The following CADPS2 variants were observed in gnomAD, a reference collection of about 807,000 sequenced individuals.
CADPS2 encodes the protein calcium dependent secretion activator 2, also known as calcium-dependent secretion activator 2.
Under a neutral mutation model 172.5 loss-of-function variants are expected in CADPS2, and 93 were observed. The ratio of observed to expected loss-of-function variants is 0.54; its 90% CI spans 0.46 to 0.64. The LOEUF (loss-of-function observed/expected upper bound fraction) is 0.64. CADPS2 is among the 30% of genes least tolerant of loss of function. CADPS2 has a pLI of 0.00. For synonymous variants in CADPS2, 546 were observed against 555.2 expected, an observed-to-expected ratio of 0.98 and a Z score of 0.23; for missense variants, 1,420 against 1,565.9, an observed-to-expected ratio of 0.91 and a Z score of 1.57.
chr7:122,479,782 AAATTT>A lies in CADPS2; in HGVS notation c.1861+1065_1861+1069del, dbSNP rs144815638. On this transcript the variant is annotated intron_variant, in intron 12 of 29. Transcript: ENST00000449022. ...ACAAATGCTTTCCCTATGAAGTGTG[AAATTT>A]AATATATTAGATCAATCATGAAAAT... Among the ~76,000 whole-genome samples, 593 of 152,348 alleles carry A rather than the reference AAATTT, an allele frequency of 3.9e-3. 5 individuals carry two copies. Among genetic ancestry groups the A allele is most frequent in the African/African-American group, 0.014 (563 of 41,582 alleles).
At chr7:122,550,989 A>G (rs1245453447) in intron 8 of CADPS2, among the ~76,000 whole-genome samples, 2 of 152,116 alleles carry the variant, frequency 1.3e-5, no homozygotes, top group Non-Finnish European at 2.9e-5. Context: ...AATCATAGTT[A>G]TGCTTATTTG....
intron 20 of CADPS2, among the ~76,000 whole-genome samples, chr7:122,401,693 G>A (rs144386637): frequency 1.3e-5 from 2 of 152,158 alleles, no homozygotes; most frequent in South Asian, 4.1e-4. Flanking sequence ...CATTTAAACT[G>A]ATTGCCCATT....
chr7:122,639,743 T>C (rs572980551), intron 3 of CADPS2, among the ~76,000 whole-genome samples: 29 of 152,314 alleles, frequency 1.9e-4, no homozygotes, highest in Non-Finnish European at 3.4e-4. Context: ...CTAAGCCAAA[T>C]ATGATTTTCT....
chr7:122,354,506 T>C (rs1269665228), intron 27 of CADPS2: 1 of 152,192 alleles, frequency 6.6e-6, no homozygotes, highest in African/African-American at 2.4e-5. Context: ...ACATGATCTT[T>C]TATACAACTT....
At chr7:122,428,616 C>A (rs1011627525) in intron 17 of CADPS2, among the ~76,000 whole-genome samples, 1 of 151,858 alleles carries the variant, frequency 6.6e-6, no homozygotes, top group African/African-American at 2.4e-5. Flanking sequence ...TACAGCCATG[C>A]ACCACTATGC....
chr7:122,886,400 G>A lies in CADPS2; in HGVS notation c.-63C>T. The stretch of plus-strand genomic sequence containing the variant: ...CAAGCGCCTCACCCCCGGCGGCTGC[G>A]CCCGCGGGTCTGAGGGAGCCGCGGG... On this transcript the variant is annotated 5_prime_UTR_variant, in exon 1 of 30. Coordinates refer to ENST00000449022, the MANE Select transcript of CADPS2 (RefSeq NM_017954.11). The A allele has an allele frequency of 1.4e-6, 2 of 1,455,388 alleles. No individual in the cohort carries two copies. Among genetic ancestry groups the A allele is most frequent in the Non-Finnish European group, 9.0e-7 (1 of 1,115,434 alleles). 90.2% of individuals were successfully genotyped at this position (1,455,388 alleles called of 1,614,324 possible).
At chr7:122,757,794 G>A (rs374315887) in intron 1 of CADPS2, among the ~76,000 whole-genome samples, 9 of 151,778 alleles carry the variant, frequency 5.9e-5, no homozygotes, top group Non-Finnish European at 1.3e-4. Context: ...TTATTCACAC[G>A]ATACTGCTTG....
chr7:122,550,191 T>C (rs538297464), intron 8 of CADPS2, among the ~76,000 whole-genome samples: 1 of 152,308 alleles, frequency 6.6e-6, no homozygotes, highest in South Asian at 2.1e-4. Flanking sequence ...GAAGTTTAAC[T>C]ATTGTCTCTC....
At chr7:122,650,800 C>G (rs1287383109) in intron 3 of CADPS2, among the ~76,000 whole-genome samples, 5 of 152,090 alleles carry the variant, frequency 3.3e-5, no homozygotes, top group Non-Finnish European at 7.4e-5. Context: ...AGAGCGGAAA[C>G]TTAATTCTAC....
intron 1 of CADPS2, among the ~76,000 whole-genome samples, chr7:122,818,713 T>C (rs531291787): frequency 6.6e-6 from 1 of 152,284 alleles, no homozygotes; most frequent in East Asian, 1.9e-4. Context: ...TTTTGTTCCC[T>C]GACTAGCCCT....
chr7:122,781,206 T>A (rs139005848), intron 1 of CADPS2, among the ~76,000 whole-genome samples: 135 of 152,310 alleles, frequency 8.9e-4, no homozygotes, highest in Middle Eastern at 3.4e-3. Flanking sequence ...TTTGAACTAT[T>A]TTTGGTTTTT....
chr7:122,718,586 G>A lies in CADPS2; in HGVS notation c.453+18369C>T, dbSNP rs73220297. Among the ~76,000 whole-genome samples, 485 of 152,198 alleles carry A rather than the reference G, an allele frequency of 3.2e-3. 2 individuals carry two copies. The highest frequency in any genetic ancestry group is 5.9e-3 in the Non-Finnish European group (403 of 67,990). On this transcript the variant is annotated intron_variant, in intron 2 of 29. Transcript: ENST00000449022. The stretch of plus-strand genomic sequence containing the variant: ...ATTCAGTACCCACAGGTTTTTCTCC[G>A]TTGTTAACAGTCTAGTGAGTGTAAC...
chr7:122,773,227 C>T (rs887111606), intron 1 of CADPS2, among the ~76,000 whole-genome samples: 3 of 151,846 alleles, frequency 2.0e-5, no homozygotes, highest in African/African-American at 4.8e-5. Context: ...GATATGGAAA[C>T]GTGGTGAACA....
intron 3 of CADPS2, among the ~76,000 whole-genome samples, chr7:122,643,490 C>T (rs2077921577): frequency 6.6e-6 from 1 of 152,310 alleles, no homozygotes; most frequent in Non-Finnish European, 1.5e-5. Flanking sequence ...CATCAGAACA[C>T]AGCTGGGCCT....
intron 20 of CADPS2, among the ~76,000 whole-genome samples, chr7:122,401,518 T>C (rs1055082572): frequency 7.9e-5 from 12 of 152,216 alleles, no homozygotes; most frequent in African/African-American, 2.9e-4. Flanking sequence ...TTATCTATTA[T>C]TGACAGAACA....
At chr7:122,385,573 A>G in intron 24 of CADPS2, among the ~76,000 whole-genome samples, 1 of 148,892 alleles carries the variant, frequency 6.7e-6, no homozygotes, top group East Asian at 2.0e-4. Flanking sequence ...AACTCACGAC[A>G]AAAAAAAAAG....
intron 1 of CADPS2, among the ~76,000 whole-genome samples, chr7:122,866,136 T>C (rs1047323530): frequency 7.2e-5 from 11 of 152,236 alleles, no homozygotes; most frequent in Non-Finnish European, 1.5e-4. Flanking sequence ...CACATAAACA[T>C]ATTTATTATT....
chr7:122,360,731 G>GC, intron 27 of CADPS2, 57 bp downstream of exon 27: 1 of 1,474,650 alleles, frequency 6.8e-7, no homozygotes, highest in Non-Finnish European at 9.1e-7. Context: ...ATGATGAACT[G>GC]CAATTTTTTT....
At position 122,687,480 on chromosome 7, in the gene CADPS2, C is replaced by G. The variant is rs564120450; in HGVS notation, c.454-23911G>C. Among the ~76,000 whole-genome samples the G allele has an allele frequency of 3.2e-4, 48 of 152,320 alleles. 1 individual carries two copies. The highest frequency in any genetic ancestry group is 2.7e-3 in the East Asian group (14 of 5,182). Reference sequence around the variant, plus strand: ...ACCAGAACAAGTTCAAATATAGGTTCTGTGTGTCACATACCAGCTGTTTAA... The same window carrying G: ...ACCAGAACAAGTTCAAATATAGGTTGTGTGTGTCACATACCAGCTGTTTAA... On this transcript the variant is annotated intron_variant, in intron 2 of 29. Coordinates refer to ENST00000449022, the MANE Select transcript of CADPS2 (RefSeq NM_017954.11).
Sources: allele counts gnomAD v4.1 joint callset (sites outside exome capture counted in the v4.1 genomes callset), GRCh38; gene constraint gnomAD v4.1.1; transcripts MANE v1.5; gene names NCBI Gene and HGNC (gene_info 2026-07-23, HGNC 2026-07-21).